The following ASH1L variants were observed in gnomAD, a reference collection of about 807,000 sequenced individuals.
ASH1L encodes ASH1 like histone lysine methyltransferase.
In ASH1L, 23 loss-of-function variants were observed where a neutral mutation model predicts 269.0. The ratio of observed to expected loss-of-function variants is 0.09; its 90% CI spans 0.06 to 0.12. The LOEUF (loss-of-function observed/expected upper bound fraction) is 0.12. ASH1L is among the 10% of genes least tolerant of loss of function. The probability of loss-of-function intolerance (pLI) is 1.00; values close to 1 mark genes in which losing one functional copy is unlikely to be tolerated. For synonymous variants in ASH1L, 1,187 were observed against 1,253.5 expected (o/e 0.95, Z 1.12); for missense variants, 2,912 against 3,567.8 (o/e 0.82, Z 4.68).
At chr1:155,555,091 G>A (rs908071797) in intron 1 of ASH1L, among the ~76,000 whole-genome samples, 1 of 146,658 alleles carries the variant, frequency 6.8e-6, no homozygotes, top group African/African-American at 2.5e-5. Flanking sequence ...GCAGTGAGCC[G>A]AGATCGTGCC....
Position 155,434,377 on chromosome 1 carries a change from T to C in ASH1L, c.5828+3950A>G, listed in dbSNP as rs1263618526. On this transcript the variant is annotated intron_variant, in intron 5 of 27. Transcript: ENST00000392403. The stretch of plus-strand genomic sequence containing the variant: ...AGTTCTTCATTCACTAAGGAAGGAA[T>C]TGGGAACACAAAGGGTGGGGGCAGG... The C allele has an allele frequency of 9.2e-5, 134 of 1,459,978 alleles. No homozygotes were observed. In the Middle Eastern group the frequency reaches 9.6e-4, roughly 10 times the overall value. 90.4% of individuals were successfully genotyped at this position (1,459,978 alleles called of 1,614,324 possible). A position where few individuals can be genotyped will look rare whatever the true frequency, so the allele number is the denominator to read the frequency against.
At chr1:155,535,814 C>G (rs865827587) in intron 1 of ASH1L, among the ~76,000 whole-genome samples, 21 of 151,976 alleles carry the variant, frequency 1.4e-4, no homozygotes, top group African/African-American at 3.9e-4. Context: ...GCCTGACCAA[C>G]ATGGAAAAAC....
rs1652440646 is a variant in ASH1L, at chr1:155,337,877, C to A, written c.8804-126G>T. The A allele has an allele frequency of 9.4e-6, 10 of 1,063,386 alleles. No individual in the cohort carries two copies. In the South Asian group the frequency reaches 1.5e-4, roughly 16 times the overall value. 65.9% of individuals were successfully genotyped at this position (1,063,386 alleles called of 1,614,324 possible). On this transcript the variant is annotated intron_variant, in intron 27 of 27. Coordinates refer to ENST00000392403, the MANE Select transcript of ASH1L (RefSeq NM_018489.3). ...CTGACCTATAAGCAATTTAGCCCAT[C>A]CTCCAACCCTACGTGAAAAAGGTGG...
At chr1:155,357,781 T>A in intron 13 of ASH1L, 32 bp from the exon 14 acceptor site, 1 of 1,583,210 alleles carries the variant, frequency 6.3e-7, no homozygotes, top group Non-Finnish European at 8.6e-7. Context: ...TTTTTATTTT[T>A]ATTTTTTTAA....
chr1:155,502,926 A>G (rs1468707437), intron 2 of ASH1L, among the ~76,000 whole-genome samples: 6 of 152,244 alleles, frequency 3.9e-5, no homozygotes, highest in South Asian at 2.1e-4. Context: ...GAGAATTTCC[A>G]TATTTCATAA....
chr1:155,410,699 C>T (rs1659691312), intron 6 of ASH1L, among the ~76,000 whole-genome samples: 1 of 150,128 alleles, frequency 6.7e-6, no homozygotes, highest in Non-Finnish European at 1.5e-5. Context: ...ATACATTTGT[C>T]GAAACCCATA....
intron 2 of ASH1L, among the ~76,000 whole-genome samples, chr1:155,486,265 C>A (rs1272802262): frequency 6.6e-6 from 1 of 152,174 alleles, no homozygotes; most frequent in Non-Finnish European, 1.5e-5. Flanking sequence ...ACTATCTCTT[C>A]TTTTGGACTG....
chr1:155,477,788 A>C, intron 3 of ASH1L, 98 bp downstream of exon 3: 1 of 1,166,670 alleles, frequency 8.6e-7, no homozygotes. Context: ...AAAACAAAAA[A>C]AGATATATAT....
intron 1 of ASH1L, among the ~76,000 whole-genome samples, chr1:155,540,053 G>A (rs1276709808): frequency 6.6e-6 from 1 of 151,414 alleles, no homozygotes; most frequent in African/African-American, 2.4e-5. Context: ...GGGTGACAGA[G>A]CAAGACCTTG....
At chr1:155,466,134 C>G (rs1471478214) in intron 3 of ASH1L, among the ~76,000 whole-genome samples, 1 of 152,122 alleles carries the variant, frequency 6.6e-6, no homozygotes, top group African/African-American at 2.4e-5. Context: ...GCAGGCAGAT[C>G]ACGAGGTCAG....
At chr1:155,527,722 C>T (rs1324943949) in intron 1 of ASH1L, among the ~76,000 whole-genome samples, 1 of 151,604 alleles carries the variant, frequency 6.6e-6, no homozygotes, top group Non-Finnish European at 1.5e-5. Flanking sequence ...TTTTTTTTCA[C>T]TGTTTTAGAG....
intron 4 of ASH1L, among the ~76,000 whole-genome samples, chr1:155,455,942 G>A (rs1456078163): frequency 3.3e-5 from 5 of 152,006 alleles, no homozygotes; most frequent in African/African-American, 9.7e-5. Context: ...CTATTTTCCC[G>A]TACATTGTTA....
rs1216750697 is a variant in ASH1L, at chr1:155,336,367, A to ACACG, written c.*1292_*1293insCGTG. 2 of 150,484 alleles carry ACACG rather than the reference A, an allele frequency of 1.3e-5. No individual in the cohort carries two copies. The highest frequency in any genetic ancestry group is 3.0e-5 in the Non-Finnish European group (2 of 67,412). 9.3% of individuals were successfully genotyped at this position (150,484 alleles called of 1,614,324 possible). On this transcript the variant is annotated 3_prime_UTR_variant, in exon 28 of 28. Transcript: ENST00000392403. ...TGTGTGTGTGTATATATATACACAC[A>ACACG]CACATATATATATACACACACATAC... is the stretch of plus-strand genomic sequence containing the variant.
intron 4 of ASH1L, among the ~76,000 whole-genome samples, chr1:155,453,718 G>C (rs1663661769): frequency 1.3e-5 from 2 of 152,094 alleles, no homozygotes; most frequent in African/African-American, 4.8e-5. Context: ...AGAATCACTT[G>C]AACCCGGGAG....
chr1:155,474,132 T>A (rs1366822816), intron 3 of ASH1L, among the ~76,000 whole-genome samples: 1 of 152,176 alleles, frequency 6.6e-6, no homozygotes, highest in Non-Finnish European at 1.5e-5. Flanking sequence ...TTGTGCCTGG[T>A]CTAGTATGTC....
intron 2 of ASH1L, among the ~76,000 whole-genome samples, chr1:155,504,671 T>C (rs1241167313): frequency 6.6e-6 from 1 of 152,096 alleles, no homozygotes; most frequent in Non-Finnish European, 1.5e-5. Flanking sequence ...CTGACCAACA[T>C]GGTGAAACCG....
chr1:155,511,135 C>A (rs564111724), intron 2 of ASH1L, among the ~76,000 whole-genome samples: 1 of 152,184 alleles, frequency 6.6e-6, no homozygotes, highest in South Asian at 2.1e-4. Context: ...AGCAGAATAA[C>A]CTTTTCTTAA....
chr1:155,393,626 C>T (rs868552633), intron 7 of ASH1L, among the ~76,000 whole-genome samples: 1 of 151,354 alleles, frequency 6.6e-6, no homozygotes, highest in African/African-American at 2.4e-5. Context: ...GCAATCTCGG[C>T]TCACTGCACA....
At chr1:155,442,902 T>A (rs1191535391) in intron 4 of ASH1L, among the ~76,000 whole-genome samples, 2 of 152,160 alleles carry the variant, frequency 1.3e-5, no homozygotes, top group Non-Finnish European at 2.9e-5. Flanking sequence ...AGGACATAAT[T>A]TCCTGAAAGG....
Sources: allele counts gnomAD v4.1 joint callset (sites outside exome capture counted in the v4.1 genomes callset), GRCh38; gene constraint gnomAD v4.1.1; transcripts MANE v1.5; gene names NCBI Gene and HGNC (gene_info 2026-07-23, HGNC 2026-07-21).